UNC13C: variants seen among roughly 807,000 people sequenced by gnomAD.
UNC13C encodes the protein unc-13 homolog C.
UNC13C carries 174 observed loss-of-function variants against 245.4 expected under a neutral mutation model. The ratio of observed to expected loss-of-function variants is 0.71; its 90% CI spans 0.63 to 0.80. The LOEUF (loss-of-function observed/expected upper bound fraction) is 0.80, where lower values mean the gene tolerates loss of function less well. UNC13C is among the 30% of genes least tolerant of loss of function. The probability of loss-of-function intolerance (pLI) is 0.00; values close to 1 mark genes in which losing one functional copy is unlikely to be tolerated. For missense variants in UNC13C, 2,829 were observed against 2,602.9 expected (o/e 1.09, Z -1.89); for synonymous variants, 992 against 895.1 (o/e 1.11, Z -1.93).
intron 24 of UNC13C, among the ~76,000 whole-genome samples, chr15:54,512,838 C>T (rs1234523230): frequency 6.6e-6 from 1 of 152,136 alleles, no homozygotes; most frequent in Non-Finnish European, 1.5e-5. Flanking sequence ...GGCTCCTTCC[C>T]ATGTGATTTT....
chr15:54,501,008 C>G, intron 22 of UNC13C, 30 bp downstream of exon 22: 1 of 1,606,298 alleles, frequency 6.2e-7, no homozygotes, highest in South Asian at 1.1e-5. Flanking sequence ...TCTTCTTTTT[C>G]TCTGGGTCTG....
At chr15:54,539,567 G>C (rs1344653157) in intron 26 of UNC13C, among the ~76,000 whole-genome samples, 1 of 152,018 alleles carries the variant, frequency 6.6e-6, no homozygotes, top group Non-Finnish European at 1.5e-5. Flanking sequence ...CATTGGTTGT[G>C]AATGTGATGG....
chr15:54,318,033 G>T (rs1338910216), intron 13 of UNC13C, among the ~76,000 whole-genome samples: 2 of 151,816 alleles, frequency 1.3e-5, no homozygotes, highest in Non-Finnish European at 2.9e-5. Flanking sequence ...TGTCCTCCAG[G>T]TTCATCCATG....
chr15:54,538,525 C>T lies in UNC13C; in HGVS notation c.5696+5459C>T, dbSNP rs78890331. On this transcript the variant is annotated intron_variant, in intron 26 of 32. Coordinates refer to ENST00000260323, the MANE Select transcript of UNC13C (RefSeq NM_001080534.3). ...TATCCAAAGAATATAAATTGTTCTA[C>T]CGTAAAGACACATGCATGCGTATGT... Among the ~76,000 whole-genome samples the T allele has an allele frequency of 2.0e-5, 3 of 152,024 alleles. No individual in the cohort carries two copies. In the East Asian group the frequency reaches 5.8e-4, roughly 29 times the overall value.
chr15:54,045,124 G>A (rs1304170198), intron 2 of UNC13C, among the ~76,000 whole-genome samples: 5 of 151,830 alleles, frequency 3.3e-5, no homozygotes, highest in African/African-American at 1.2e-4. Flanking sequence ...TGTGTTTTTG[G>A]TATCATAGCT....
chr15:53,916,437 G>A, the UNC13C span, among the ~76,000 whole-genome samples: 1 of 152,144 alleles, frequency 6.6e-6, no homozygotes. Flanking sequence ...AATCAATAGA[G>A]AAGGCTGACC....
chr15:54,594,775 T>C (rs1898980779), intron 30 of UNC13C, among the ~76,000 whole-genome samples: 1 of 152,094 alleles, frequency 6.6e-6, no homozygotes. Flanking sequence ...GCTTCCACAG[T>C]AGGGATGTGT....
chr15:54,618,789 G>A (rs1374611635), intron 30 of UNC13C, among the ~76,000 whole-genome samples: 2 of 152,126 alleles, frequency 1.3e-5, no homozygotes. Flanking sequence ...GGAAGTATAT[G>A]TATAGTTCTT....
chr15:54,626,714 G>T (rs562710619), intron 32 of UNC13C, 114 bp from the exon 33 acceptor site: 7 of 970,460 alleles, frequency 7.2e-6, no homozygotes, highest in Non-Finnish European at 1.0e-5. Context: ...TATCCTATTT[G>T]CCAACATAAT....
chr15:54,208,157 G>C (rs2034773264), intron 4 of UNC13C, among the ~76,000 whole-genome samples: 1 of 151,908 alleles, frequency 6.6e-6, no homozygotes, highest in Non-Finnish European at 1.5e-5. Flanking sequence ...ATAGAAAGAG[G>C]AAAGAGGTGC....
rs115793552 is a variant in UNC13C, at chr15:54,386,803, G to C, written c.4714-6245G>C. Among the ~76,000 whole-genome samples, 347 of 152,278 alleles carry C rather than the reference G, an allele frequency of 2.3e-3. 1 individual carries two copies. Among genetic ancestry groups the C allele is most frequent in the African/African-American group, 7.9e-3 (330 of 41,560 alleles). ...GTTGCTGCTTTTGGAAGTAGTGGAGGTAGCATTAGGTGGTAAGTTGAAGGC... is the reference window on the plus strand; with the variant it reads ...GTTGCTGCTTTTGGAAGTAGTGGAGCTAGCATTAGGTGGTAAGTTGAAGGC... On this transcript the variant is annotated intron_variant, in intron 17 of 32. Transcript: ENST00000260323.
chr15:54,568,409 A>G (rs1463191132), intron 30 of UNC13C, among the ~76,000 whole-genome samples: 4 of 152,126 alleles, frequency 2.6e-5, no homozygotes, highest in East Asian at 1.9e-4. Flanking sequence ...TGCTCATTTC[A>G]TATGAAAAAA....
intron 25 of UNC13C, among the ~76,000 whole-genome samples, chr15:54,525,949 T>G (rs987173163): frequency 1.8e-4 from 28 of 152,126 alleles, no homozygotes; most frequent in Admixed American, 7.9e-4. Flanking sequence ...GCAGTTCTAG[T>G]GTTTAGAGCT....
At chr15:54,045,642 C>G (rs554240914) in intron 2 of UNC13C, among the ~76,000 whole-genome samples, 1 of 152,266 alleles carries the variant, frequency 6.6e-6, no homozygotes, top group African/African-American at 2.4e-5. Flanking sequence ...GCTAATACAA[C>G]CTGACTGCCT....
intron 4 of UNC13C, among the ~76,000 whole-genome samples, chr15:54,192,816 A>T (rs2034230023): frequency 6.6e-6 from 1 of 151,942 alleles, no homozygotes; most frequent in African/African-American, 2.4e-5. Flanking sequence ...TGTGTTTTGA[A>T]TTACAGACAA....
rs1334635026 is a variant in UNC13C at position 54,049,771 on chromosome 15, C to A, written c.2983+33885C>A. On this transcript the variant is annotated intron_variant, in intron 2 of 32. Coordinates refer to ENST00000260323, the MANE Select transcript of UNC13C (RefSeq NM_001080534.3). The stretch of plus-strand genomic sequence containing the variant: ...TGTAAAGTATGAAATAATCCAATAG[C>A]AAACAATTCTCCATCTGGAGCCCAG... The A allele has an allele frequency of 1.6e-5, 4 of 253,462 alleles. No individual in the cohort carries two copies. In the East Asian group the frequency reaches 5.1e-4, roughly 32 times the overall value. 15.7% of individuals were successfully genotyped at this position (253,462 alleles called of 1,614,324 possible).
At chr15:54,031,514 A>T (rs1896357933) in intron 2 of UNC13C, among the ~76,000 whole-genome samples, 1 of 152,198 alleles carries the variant, frequency 6.6e-6, no homozygotes. Flanking sequence ...TTAGCAACTG[A>T]ACACACATCA....
chr15:54,470,669 A>C (rs1892413739), intron 19 of UNC13C, among the ~76,000 whole-genome samples: 1 of 149,926 alleles, frequency 6.7e-6, no homozygotes, highest in African/African-American at 2.4e-5. Context: ...AGATTTTTTC[A>C]ATTTTGTTTA....
At chr15:54,539,401 A>G (rs551255036) in intron 26 of UNC13C, among the ~76,000 whole-genome samples, 1 of 152,096 alleles carries the variant, frequency 6.6e-6, no homozygotes, top group African/African-American at 2.4e-5. Context: ...GTAAAGAAAG[A>G]GAGAAGGAGA....
Sources: allele counts gnomAD v4.1 joint callset (sites outside exome capture counted in the v4.1 genomes callset), GRCh38; gene constraint gnomAD v4.1.1; transcripts MANE v1.5; gene names NCBI Gene and HGNC (gene_info 2026-07-23, HGNC 2026-07-21).